The following SPMIP4 variants were observed in gnomAD, a reference collection of about 807,000 sequenced individuals.
The protein encoded by SPMIP4 is sperm-associated microtubule inner protein 4.
chr7:25,179,098 T>A, the SPMIP4 span: 1 of 1,413,320 alleles, frequency 7.1e-7, no homozygotes, highest in Non-Finnish European at 9.6e-7. Context: ...ACAATAAATG[T>A]TTTTCCTCAC....
chr7:25,158,640 C>T, the SPMIP4 span: 3 of 871,918 alleles, frequency 3.4e-6, no homozygotes, highest in Non-Finnish European at 5.5e-6. Flanking sequence ...TGGCTCATGC[C>T]TGTAATCCCA....
the SPMIP4 span, among the ~76,000 whole-genome samples, chr7:25,126,267 CTT>C: frequency 6.6e-6 from 1 of 151,932 alleles, no homozygotes; most frequent in Admixed American, 6.6e-5. Context: ...CTTATTCATT[CTT>C]CTTCAGTGGC....
the SPMIP4 span, among the ~76,000 whole-genome samples, chr7:25,166,767 G>T: frequency 6.6e-6 from 1 of 151,848 alleles, no homozygotes; most frequent in Non-Finnish European, 1.5e-5. Flanking sequence ...GGTGGCACAC[G>T]CCTGTAATCC....
At chr7:25,153,145 A>G in the SPMIP4 span, among the ~76,000 whole-genome samples, 1 of 152,214 alleles carries the variant, frequency 6.6e-6, no homozygotes, top group Non-Finnish European at 1.5e-5. Context: ...GGGTTGTTAG[A>G]GGATGCTCAT....
chr7:25,145,259 C>T, the SPMIP4 span, among the ~76,000 whole-genome samples: 1,735 of 152,076 alleles, frequency 0.011, 33 homozygotes, highest in Middle Eastern at 0.048. Context: ...TCACCATGCC[C>T]GGCCAAGAAG....
At chr7:25,144,777 A>C in the SPMIP4 span, among the ~76,000 whole-genome samples, 12 of 152,192 alleles carry the variant, frequency 7.9e-5, no homozygotes, top group African/African-American at 2.9e-4. Context: ...TGTTCATAGC[A>C]ACCCTGTGAG....
chr7:25,162,113 T>C, the SPMIP4 span, among the ~76,000 whole-genome samples: 25 of 151,376 alleles, frequency 1.7e-4, no homozygotes, highest in African/African-American at 5.6e-4. Flanking sequence ...CTACTAAAAA[T>C]AGAAAAAATT....
At chr7:25,179,178 T>C in the SPMIP4 span, 4 of 1,600,600 alleles carry the variant, frequency 2.5e-6, no homozygotes, top group African/African-American at 2.7e-5. Flanking sequence ...GTTTTACCTG[T>C]CCTCTGAGGC....
the SPMIP4 span, among the ~76,000 whole-genome samples, chr7:25,168,874 T>C: frequency 6.6e-6 from 1 of 151,830 alleles, no homozygotes; most frequent in Non-Finnish European, 1.5e-5. Context: ...TACAGGGGCG[T>C]GCCATCACAC....
the SPMIP4 span, among the ~76,000 whole-genome samples, chr7:25,160,187 G>A: frequency 6.5e-5 from 5 of 76,922 alleles, no homozygotes; most frequent in African/African-American, 1.5e-4. Context: ...TGTCTTTTTG[G>A]CGCCATCTAG....
the SPMIP4 span, chr7:25,142,185 A>G: frequency 7.6e-7 from 1 of 1,311,644 alleles, no homozygotes; most frequent in African/African-American, 1.5e-5. Flanking sequence ...TGGCAAAGCA[A>G]GAAGGAGCCC....
chr7:25,177,251 G>C, the SPMIP4 span, among the ~76,000 whole-genome samples: 13 of 152,278 alleles, frequency 8.5e-5, no homozygotes, highest in South Asian at 2.7e-3. Flanking sequence ...GGGAGGCTGA[G>C]GCGGATGGAT....
the SPMIP4 span, among the ~76,000 whole-genome samples, chr7:25,147,846 A>T: frequency 6.6e-6 from 1 of 152,232 alleles, no homozygotes; most frequent in African/African-American, 2.4e-5. Context: ...ATTATCAGGT[A>T]GATTTTATTA....
chr7:25,178,315 A>G, the SPMIP4 span, among the ~76,000 whole-genome samples: 1 of 152,214 alleles, frequency 6.6e-6, no homozygotes, highest in Non-Finnish European at 1.5e-5. Flanking sequence ...TTCCTTTGAT[A>G]GAACAACTTA....
the SPMIP4 span, among the ~76,000 whole-genome samples, chr7:25,156,428 A>G: frequency 6.6e-6 from 1 of 152,244 alleles, no homozygotes; most frequent in African/African-American, 2.4e-5. Flanking sequence ...GTTTATGAAG[A>G]GAATTTGAAA....
chr7:25,136,908 G>C, the SPMIP4 span: 208 of 1,000,072 alleles, frequency 2.1e-4, 1 homozygote, highest in African/African-American at 2.8e-3. This position sits in a 1 kb window ranked among gnomAD's most constrained non-coding sequence, Gnocchi z 5.7. Flanking sequence ...GCATAGGAGT[G>C]TACATTGCAA....
the SPMIP4 span, among the ~76,000 whole-genome samples, chr7:25,163,328 T>G: frequency 6.6e-6 from 1 of 152,202 alleles, no homozygotes; most frequent in East Asian, 1.9e-4. The surrounding 1 kb of genome is among the most constrained non-coding windows in gnomAD (Gnocchi z 4.4). Context: ...AATCTAGAAA[T>G]AGCCATATGT....
At chr7:25,165,614 CT>C in the SPMIP4 span, among the ~76,000 whole-genome samples, 3 of 152,188 alleles carry the variant, frequency 2.0e-5, no homozygotes, top group South Asian at 6.2e-4. Context: ...TCCCAAGGTG[CT>C]GGGATTACAG....
the SPMIP4 span, chr7:25,135,126 G>T: frequency 3.0e-6 from 1 of 337,874 alleles, no homozygotes; most frequent in Non-Finnish European, 4.2e-6. Context: ...GAATTGACTT[G>T]CATATGGGAG....
Sources: gnomAD v4.1 joint callset for allele counts (sites outside exome capture counted in the v4.1 genomes callset) on GRCh38, gnomAD v4.1.1 for gene constraint, Gnocchi (gnomAD v3.1) non-coding constraint, MANE v1.5 for transcripts, NCBI Gene and HGNC (gene_info 2026-07-23, HGNC 2026-07-21) for gene names.